MDN1: variants seen among roughly 807,000 people sequenced by gnomAD.
MDN1 encodes midasin.
MDN1 carries 266 observed loss-of-function variants against 669.2 expected under a neutral mutation model. That is an observed-to-expected ratio of 0.40 (90% CI 0.36 to 0.44). The LOEUF is 0.44. Ranked by LOEUF, MDN1 falls within the 20% of genes least tolerant of loss-of-function variation. The pLI is 1.00. For missense variants in MDN1, 5,940 were observed against 6,754.0 expected (o/e 0.88, Z 4.22); for synonymous variants, 2,385 against 2,457.1 (o/e 0.97, Z 0.87).
At chr6:89,804,546 A>G (rs1767887190) in intron 1 of MDN1, among the ~76,000 whole-genome samples, 1 of 152,184 alleles carries the variant, frequency 6.6e-6, no homozygotes, top group Admixed American at 6.5e-5. Flanking sequence ...TAACTCTTGA[A>G]GAAAAAAATG....
intron 21 of MDN1, 94 bp from the exon 22 acceptor site, chr6:89,753,716 G>T: frequency 1.0e-6 from 1 of 1,002,764 alleles, no homozygotes; most frequent in Non-Finnish European, 1.6e-6. Context: ...CTTGGGTGAT[G>T]CTGCTTCCCA....
rs139681482 is a variant in MDN1, at chr6:89,700,848, C to T, written c.8436G>A (p.Leu2812=). 3 of 1,613,956 alleles carry T rather than the reference C, an allele frequency of 1.9e-6. No individual in the cohort carries two copies. In the South Asian group the frequency reaches 3.3e-5, roughly 18 times the overall value. Residue 2812 remains leucine, a synonymous_variant, in exon 56 of 102, where the codon CTG becomes CTA. Transcript: ENST00000369393. ...LGRPFPFKDK[L]VVECFSQLKV... ...TCAGTTGTGAAAAACACTCCACCAC[C>T]AGCTTGTCCTGAAACAACAACACCC... is the stretch of plus-strand genomic sequence containing the variant.
At chr6:89,773,656 T>C (rs1286212971) in intron 13 of MDN1, among the ~76,000 whole-genome samples, 1 of 151,780 alleles carries the variant, frequency 6.6e-6, no homozygotes, top group African/African-American at 2.4e-5. Context: ...CACCAAGGAC[T>C]GCTGGGAGCC....
chr6:89,772,762 G>C (rs114999197), intron 13 of MDN1, 41 bp from the exon 14 acceptor site: 1 of 1,600,110 alleles, frequency 6.2e-7, no homozygotes, highest in Admixed American at 1.7e-5. Context: ...CACGCTGCAA[G>C]CTTCTCCTAG....
intron 83 of MDN1, among the ~76,000 whole-genome samples, chr6:89,670,159 TA>T (rs1562061820): frequency 5.9e-4 from 15 of 25,274 alleles, no homozygotes; most frequent in Non-Finnish European, 7.4e-4. Flanking sequence ...TATATATATA[TA>T]TATATATATA....
At chr6:89,719,292 G>A in intron 40 of MDN1, 67 bp from the exon 41 acceptor site, 1 of 1,306,586 alleles carries the variant, frequency 7.7e-7, no homozygotes, top group African/African-American at 1.5e-5. Flanking sequence ...AAACTTTCTA[G>A]AAAACAAGCA....
intron 37 of MDN1, among the ~76,000 whole-genome samples, chr6:89,726,356 C>CT (rs576169013): frequency 1.5e-3 from 225 of 151,538 alleles, no homozygotes; most frequent in African/African-American, 5.2e-3. Context: ...ACTCAGGTGG[C>CT]TGAGGCAGGA....
intron 34 of MDN1, 139 bp from the exon 35 acceptor site, chr6:89,731,062 C>T: frequency 1.5e-6 from 1 of 665,918 alleles, no homozygotes; most frequent in East Asian, 2.7e-5. Flanking sequence ...CTAGTGTAAG[C>T]AGTCCTAAGA....
intron 33 of MDN1, among the ~76,000 whole-genome samples, chr6:89,737,975 T>C (rs1816086149): frequency 6.6e-6 from 1 of 152,074 alleles, no homozygotes; most frequent in Non-Finnish European, 1.5e-5. Context: ...CCGCCCACCT[T>C]GGCCTCCCAA....
intron 20 of MDN1, among the ~76,000 whole-genome samples, chr6:89,754,447 C>CT (rs765218186): frequency 6.6e-6 from 1 of 152,078 alleles, no homozygotes; most frequent in African/African-American, 2.4e-5. Context: ...TATCTATTTC[C>CT]TTGGGGAAAC....
At position 89,674,492 on chromosome 6, in the gene MDN1, T is replaced by C. The variant is rs115958516; in HGVS notation, c.12859A>G (p.Thr4287Ala). 1.9e-6 allele frequency: 3 copies of C among 1,612,538 alleles called. No individual in the cohort carries two copies. In the African/African-American group the frequency reaches 4.0e-5, roughly 21 times the overall value. Residue 4287 changes from threonine (T) to alanine (A), a missense_variant, in exon 79 of 102, where the codon ACA becomes GCA. Thr to Ala is a moderately conservative substitution (Grantham distance 58). Around this residue, in one of 5 missense-constraint regions of MDN1, gnomAD observed 2,280 missense variants for 2,576.3 expected, o/e 0.88. Transcript: ENST00000369393. ...FPPQDGVQQW[T>A]ERLQHLAMQC... The stretch of plus-strand genomic sequence containing the variant: ...ATGGCCAGGTGCTGCAGGCGCTCTG[T>C]CCACTGCTGCACGCCATCCTGAGGG...
intron 53 of MDN1, among the ~76,000 whole-genome samples, chr6:89,703,814 A>C (rs6454773): frequency 0.84 from 127,727 of 151,942 alleles, 53,885 homozygotes; most frequent in East Asian, 1. Context: ...GAGTTCCAGA[A>C]CAGCCTGGCC....
Position 89,644,114 on chromosome 6 carries a change from A to G in MDN1, c.16682T>C (p.Phe5561Ser). The G allele has an allele frequency of 6.2e-7, 1 of 1,613,998 alleles. No individual in the cohort carries two copies. ...MPEIRSYMEE[F>S]PFPYYIILRD... is the part of the protein sequence containing the mutation. ...AAGAATGATATAGTATGGGAATGGG[A>G]ACTCTTCCATGTAGGATCGGATTTC... Residue 5561 changes from phenylalanine to serine, a missense_variant, in exon 102 of 102, where the codon TTC becomes TCC. Phe to Ser is a radical substitution (Grantham distance 155). Transcript: ENST00000369393.
intron 47 of MDN1, 135 bp downstream of exon 47, chr6:89,713,013 C>A: frequency 2.0e-6 from 2 of 992,386 alleles, no homozygotes; most frequent in Admixed American, 5.7e-5. Context: ...TACCTGGATA[C>A]CAGATCTCTA....
At chr6:89,647,225 G>C (rs1808547832) in intron 99 of MDN1, among the ~76,000 whole-genome samples, 1 of 152,194 alleles carries the variant, frequency 6.6e-6, no homozygotes, top group Non-Finnish European at 1.5e-5. Context: ...CCAAACAGCT[G>C]TCTTCTTTCA....
intron 33 of MDN1, among the ~76,000 whole-genome samples, chr6:89,737,349 T>C (rs1816040712): frequency 6.6e-6 from 1 of 152,164 alleles, no homozygotes; most frequent in Admixed American, 6.5e-5. Context: ...CTTTAAAAAG[T>C]GAAACATAGC....
rs143025341 is a variant in MDN1 at position 89,782,414 on chromosome 6, G to A, written c.1450-822C>T. On this transcript the variant is annotated intron_variant, in intron 9 of 101. Coordinates refer to ENST00000369393, the MANE Select transcript of MDN1 (RefSeq NM_014611.3). ...AGTTTGAGACAAGCCTGGGCAACAC[G>A]GTGAAAACCTGTCTCTACAAAACAT... Among the ~76,000 whole-genome samples, 4 of 151,970 alleles carry A rather than the reference G, an allele frequency of 2.6e-5. No individual in the cohort carries two copies. The East Asian group carries it at 5.8e-4, about 22-fold the overall frequency.
Position 89,662,902 on chromosome 6 carries a change from C to G in MDN1, c.14302G>C (p.Gly4768Arg). 1 of 1,614,086 alleles carries G rather than the reference C, an allele frequency of 6.2e-7. No homozygotes were observed. The highest frequency in any genetic ancestry group is 8.5e-7 in the Non-Finnish European group (1 of 1,180,008). ...DLDKHMGDLN[G>R]EEADKLDERL... Reference sequence around the variant, plus strand: ...TCATCTAGTTTGTCAGCTTCCTCACCATTGAGATCGCCCATGTGTTTATCC... The same window carrying G: ...TCATCTAGTTTGTCAGCTTCCTCACGATTGAGATCGCCCATGTGTTTATCC... Residue 4768 changes from glycine (G) to arginine (R), a missense_variant, in exon 86 of 102, where the codon GGT becomes CGT. Physicochemically the swap from Gly to Arg is moderately radical, Grantham distance 125. Around this residue, in one of 5 missense-constraint regions of MDN1, gnomAD observed 2,280 missense variants for 2,576.3 expected, o/e 0.88. Coordinates refer to ENST00000369393, the MANE Select transcript of MDN1 (RefSeq NM_014611.3).
At chr6:89,730,660 A>T in intron 35 of MDN1, 66 bp downstream of exon 35, 2 of 1,324,846 alleles carry the variant, frequency 1.5e-6, no homozygotes, top group Non-Finnish European at 2.1e-6. Flanking sequence ...AAACTAAGTC[A>T]CAATAAAAGC....
Sources: gnomAD v4.1 joint callset for allele counts (sites outside exome capture counted in the v4.1 genomes callset) on GRCh38, gnomAD v4.1.1 for gene constraint, gnomAD v4.1.1 regional missense constraint, MANE v1.5 for transcripts, NCBI Gene and HGNC (gene_info 2026-07-23, HGNC 2026-07-21) for gene names.